FHIT: variants seen among roughly 807,000 people sequenced by gnomAD.
The protein encoded by FHIT is bis(5'-adenosyl)-triphosphatase.
FHIT carries 19 observed loss-of-function variants against 17.9 expected under a neutral mutation model. The ratio of observed to expected loss-of-function variants is 1.06; its 90% confidence interval spans 0.74 to 1.56. FHIT has a LOEUF of 1.56. FHIT is among the 40% of genes most tolerant of loss of function. The probability of loss-of-function intolerance (pLI) is 0.00; values close to 1 mark genes in which losing one functional copy is unlikely to be tolerated. For synonymous variants in FHIT, 81 were observed against 69.7 expected (o/e 1.16, Z -0.81); for missense variants, 248 against 189.2 (o/e 1.31, Z -1.82).
rs563489568 is a variant in FHIT at position 60,514,879 on chromosome 3, A to G, written c.103+21981T>C. Among the ~76,000 whole-genome samples, 56 of 108,372 alleles carry G rather than the reference A, an allele frequency of 5.2e-4. 1 individual carries two copies. The South Asian group carries it at 0.012, about 23-fold the overall frequency. The allele number at this position is 108,372 out of a possible 152,430, so 71.1% of individuals were successfully genotyped here. On this transcript the variant is annotated intron_variant, in intron 5 of 9. Transcript: ENST00000492590. Reference sequence around the variant, plus strand: ...ATCTTTGGACACTGAGGACTCTCCCACCAACAGCCACACTGACAACAGCCT... The same window carrying G: ...ATCTTTGGACACTGAGGACTCTCCCGCCAACAGCCACACTGACAACAGCCT...
intron 5 of FHIT, among the ~76,000 whole-genome samples, chr3:60,187,831 G>C (rs1236221745): frequency 6.6e-6 from 1 of 152,008 alleles, no homozygotes; most frequent in Non-Finnish European, 1.5e-5. Flanking sequence ...ATATAATTCA[G>C]CCTTACTGAT....
Position 59,971,862 on chromosome 3 carries a change from T to C in FHIT, c.279+39509A>G, listed in dbSNP as rs549018371. ...AGTTACCACAGGGTGTGGCATACAG[T>C]AAAAACAAGTTAAATGGCAACAAAA... On this transcript the variant is annotated intron_variant, in intron 7 of 9. Coordinates refer to ENST00000492590, the MANE Select transcript of FHIT (RefSeq NM_002012.4). Among the ~76,000 whole-genome samples the C allele has an allele frequency of 2.0e-5, 3 of 152,264 alleles. No homozygotes were observed. The East Asian group carries it at 5.8e-4, about 29-fold the overall frequency.
intron 8 of FHIT, among the ~76,000 whole-genome samples, chr3:59,880,790 T>C (rs1003641564): frequency 3.3e-5 from 5 of 152,230 alleles, no homozygotes; most frequent in African/African-American, 7.2e-5. Context: ...TTCATGATTA[T>C]AGACGTTAGA....
chr3:60,747,827 T>C (rs775865176), intron 4 of FHIT, among the ~76,000 whole-genome samples: 2 of 152,168 alleles, frequency 1.3e-5, no homozygotes, highest in African/African-American at 4.8e-5. Context: ...TTTTTCAAGG[T>C]TATATAATCA....
chr3:60,462,966 C>T (rs768824875), intron 5 of FHIT, among the ~76,000 whole-genome samples: 14 of 152,220 alleles, frequency 9.2e-5, no homozygotes, highest in Non-Finnish European at 1.8e-4. Context: ...CACTGACCAC[C>T]TCTGTGCTGT....
chr3:60,098,860 T>G (rs1270305937), intron 5 of FHIT, among the ~76,000 whole-genome samples: 3 of 152,150 alleles, frequency 2.0e-5, no homozygotes, highest in Non-Finnish European at 2.9e-5. Flanking sequence ...GAGTCAAAAG[T>G]TATATGTAGA....
intron 8 of FHIT, among the ~76,000 whole-genome samples, chr3:59,888,429 A>T (rs1338180834): frequency 6.6e-6 from 1 of 152,246 alleles, no homozygotes; most frequent in African/African-American, 2.4e-5. Flanking sequence ...AAAGGCCCAA[A>T]TTGAAGGCAA....
intron 7 of FHIT, among the ~76,000 whole-genome samples, chr3:60,000,774 C>A (rs1287374499): frequency 2.0e-5 from 3 of 152,142 alleles, no homozygotes; most frequent in African/African-American, 4.8e-5. Flanking sequence ...ATCAAAACAT[C>A]AAATATATTT....
chr3:60,914,754 T>C (rs1553766742), intron 3 of FHIT, among the ~76,000 whole-genome samples: 1 of 152,216 alleles, frequency 6.6e-6, no homozygotes, highest in African/African-American at 2.4e-5. Context: ...CTTGTATTAA[T>C]AATGAAGGGT....
chr3:60,190,269 T>C (rs986384761), intron 5 of FHIT, among the ~76,000 whole-genome samples: 1 of 151,830 alleles, frequency 6.6e-6, no homozygotes, highest in Non-Finnish European at 1.5e-5. Flanking sequence ...CAGTCAGAAC[T>C]GCTTTTCTGA....
At chr3:61,037,048 A>C (rs1175847804) in intron 3 of FHIT, among the ~76,000 whole-genome samples, 1 of 151,472 alleles carries the variant, frequency 6.6e-6, no homozygotes, top group Non-Finnish European at 1.5e-5. Context: ...AGTACTTGGG[A>C]CTACAGGCAC....
intron 7 of FHIT, among the ~76,000 whole-genome samples, chr3:59,980,733 G>A (rs1708617226): frequency 6.6e-6 from 1 of 152,150 alleles, no homozygotes; most frequent in South Asian, 2.1e-4. Flanking sequence ...TAGCATCTAT[G>A]AACCAGAAAG....
chr3:59,935,829 CT>C (rs1407661491), intron 7 of FHIT, among the ~76,000 whole-genome samples: 3 of 152,086 alleles, frequency 2.0e-5, no homozygotes, highest in Non-Finnish European at 4.4e-5. Context: ...TCTTAGCTTG[CT>C]TAAAAGAAGA....
intron 3 of FHIT, among the ~76,000 whole-genome samples, chr3:60,856,807 A>G (rs1703405022): frequency 6.6e-6 from 1 of 151,978 alleles, no homozygotes; most frequent in Non-Finnish European, 1.5e-5. Flanking sequence ...CAACTTCTTC[A>G]GTGCGTGGAC....
rs756267549 is a variant in FHIT at position 60,013,996 on chromosome 3, T to C, written c.249+11A>G. ...GAAGAAAAATCATTTCTGAGAAATC[T>C]GTACACTCACCTGCATGGAAAAGGT... On this transcript the variant is annotated intron_variant, in intron 6 of 9. Transcript: ENST00000492590. 8.7e-6 allele frequency: 14 copies of C among 1,613,386 alleles called. No homozygotes were observed. Among genetic ancestry groups the C allele is most frequent in the African/African-American group, 1.3e-5 (1 of 74,906 alleles).
At chr3:59,851,951 C>G (rs780715) in intron 8 of FHIT, among the ~76,000 whole-genome samples, 1 of 152,160 alleles carries the variant, frequency 6.6e-6, no homozygotes, top group African/African-American at 2.4e-5. Flanking sequence ...TGTAATTTAC[C>G]CTTTCATCTT....
chr3:60,175,368 A>C (rs1047739816), intron 5 of FHIT, among the ~76,000 whole-genome samples: 9 of 152,178 alleles, frequency 5.9e-5, no homozygotes, highest in African/African-American at 2.2e-4. Context: ...ATTAGCCTGG[A>C]AATGATGACT....
chr3:61,022,762 G>C (rs548988199), intron 3 of FHIT, among the ~76,000 whole-genome samples: 3 of 152,154 alleles, frequency 2.0e-5, no homozygotes, highest in Non-Finnish European at 1.5e-5. Context: ...TAACTCAATA[G>C]ATGCAGAAAA....
intron 3 of FHIT, among the ~76,000 whole-genome samples, chr3:60,849,456 A>G (rs1373614640): frequency 2.0e-5 from 3 of 147,604 alleles, no homozygotes; most frequent in African/African-American, 7.4e-5. Context: ...ATATATATAT[A>G]TATATATAAA....
Sources: allele counts gnomAD v4.1 joint callset (sites outside exome capture counted in the v4.1 genomes callset), GRCh38; gene constraint gnomAD v4.1.1; transcripts MANE v1.5; gene names NCBI Gene and HGNC (gene_info 2026-07-23, HGNC 2026-07-21).